The following CDC42BPA variants were observed in gnomAD, a reference collection of about 807,000 sequenced individuals.
The protein encoded by CDC42BPA is serine/threonine-protein kinase MRCK alpha.
CDC42BPA carries 80 observed loss-of-function variants against 223.5 expected under a neutral mutation model. That is an observed-to-expected ratio of 0.36 (90% CI 0.30 to 0.43). The LOEUF (loss-of-function observed/expected upper bound fraction) is 0.43. CDC42BPA is among the 20% of genes least tolerant of loss of function. CDC42BPA has a pLI of 1.00. For missense variants in CDC42BPA, 1,743 were observed against 2,099.9 expected, an observed-to-expected ratio of 0.83 and a Z score of 3.32; for synonymous variants, 694 against 718.6, an observed-to-expected ratio of 0.97 and a Z score of 0.55.
At chr1:227,002,612 C>T (rs569254459) in intron 35 of CDC42BPA, among the ~76,000 whole-genome samples, 1 of 152,306 alleles carries the variant, frequency 6.6e-6, no homozygotes, top group South Asian at 2.1e-4. Context: ...TACAGCACTC[C>T]TGAGGTTAGG....
intron 2 of CDC42BPA, among the ~76,000 whole-genome samples, chr1:227,247,775 A>G (rs1328035325): frequency 6.6e-6 from 1 of 152,000 alleles, no homozygotes; most frequent in African/African-American, 2.4e-5. Context: ...CCAGCTACTC[A>G]GGAGGCTGAA....
intron 14 of CDC42BPA, among the ~76,000 whole-genome samples, chr1:227,108,617 T>A (rs970136014): frequency 3.3e-5 from 5 of 152,156 alleles, no homozygotes; most frequent in Non-Finnish European, 7.3e-5. Flanking sequence ...TCTCTCAGTA[T>A]CCATAGGGCA....
intron 10 of CDC42BPA, among the ~76,000 whole-genome samples, chr1:227,139,099 G>C (rs1231345796): frequency 6.6e-6 from 1 of 152,130 alleles, no homozygotes; most frequent in East Asian, 1.9e-4. Flanking sequence ...GATGAAACCA[G>C]GTGGAGTAAA....
intron 10 of CDC42BPA, among the ~76,000 whole-genome samples, chr1:227,134,852 T>C (rs998765765): frequency 1.3e-5 from 2 of 152,024 alleles, no homozygotes; most frequent in South Asian, 2.1e-4. Flanking sequence ...ACCCAAAACA[T>C]AGGAAATTCT....
In CDC42BPA at chr1:226,994,559, C is replaced by T. The variant is rs1661202844; in HGVS notation, c.5134-160G>A. Among the ~76,000 whole-genome samples, 1 of 152,166 alleles carries T rather than the reference C, an allele frequency of 6.6e-6. No homozygotes were observed. Among genetic ancestry groups the T allele is most frequent in the South Asian group, 2.1e-4 (1 of 4,830 alleles). ...CCCCTTCTATGAGCTGAGGAAGAGG[C>T]ACGGAACATACAAGCTCCGTCCTTT... On this transcript the variant is annotated intron_variant, in intron 36 of 36. Coordinates refer to ENST00000366766, the MANE Select transcript of CDC42BPA (RefSeq NM_001394014.1). This position sits in a 1 kb window ranked among gnomAD's most constrained non-coding sequence, Gnocchi z 4.0.
At chr1:227,051,851 T>C in intron 22 of CDC42BPA, 30 bp downstream of exon 22, 3 of 1,250,376 alleles carry the variant, frequency 2.4e-6, no homozygotes, top group Middle Eastern at 2.2e-4. Context: ...AAGTGAAAAG[T>C]TGGGGAGCAG....
At chr1:227,112,557 A>G in intron 13 of CDC42BPA, 114 bp downstream of exon 13, 1 of 914,986 alleles carries the variant, frequency 1.1e-6, no homozygotes, top group African/African-American at 1.7e-5. Flanking sequence ...AATATTAATG[A>G]ACTATAAAAA....
rs60588018 is a variant in CDC42BPA at position 227,222,052 on chromosome 1, CAAAAAAAAAAAA to C, written c.271-8845_271-8834del. Among the ~76,000 whole-genome samples the C allele has an allele frequency of 3.3e-3, 287 of 86,520 alleles. 1 individual carries two copies. The highest frequency in any genetic ancestry group is 8.5e-3 in the Middle Eastern group (1 of 118). 56.8% of individuals were successfully genotyped at this position (86,520 alleles called of 152,430 possible). Reference sequence around the variant, plus strand: ...CAACATAGGAAGACCCTATCTCTACCAAAAAAAAAAAAAAAAAAAAAAAAAAATTAATTAGTC... The same window carrying C: ...CAACATAGGAAGACCCTATCTCTACCAAAAAAAAAAAAAAATTAATTAGTC... On this transcript the variant is annotated intron_variant, in intron 2 of 36. Transcript: ENST00000366766.
intron 2 of CDC42BPA, among the ~76,000 whole-genome samples, chr1:227,216,133 TACAC>T (rs57710895): frequency 6.9e-4 from 89 of 129,394 alleles, no homozygotes; most frequent in Non-Finnish European, 1.3e-3. Context: ...TATATATATA[TACAC>T]ACACACACAC....
intron 15 of CDC42BPA, among the ~76,000 whole-genome samples, chr1:227,096,705 G>T (rs1414392521): frequency 6.6e-6 from 1 of 152,144 alleles, no homozygotes; most frequent in Non-Finnish European, 1.5e-5. Flanking sequence ...CTGTCTTTGT[G>T]ACTCTTCCAT....
At chr1:227,272,801 A>T (rs1441958690) in intron 1 of CDC42BPA, among the ~76,000 whole-genome samples, 1 of 135,750 alleles carries the variant, frequency 7.4e-6, no homozygotes, top group Non-Finnish European at 1.6e-5. Flanking sequence ...TGAACAGAAT[A>T]ATTATTTTTT....
At chr1:227,276,232 G>A (rs978847557) in intron 1 of CDC42BPA, among the ~76,000 whole-genome samples, 26 of 151,516 alleles carry the variant, frequency 1.7e-4, no homozygotes, top group Non-Finnish European at 1.3e-4. Context: ...TGGGATGTGA[G>A]GAGCGCCTCT....
intron 1 of CDC42BPA, among the ~76,000 whole-genome samples, chr1:227,266,823 A>G (rs917787986): frequency 2.0e-5 from 3 of 152,258 alleles, no homozygotes; most frequent in Non-Finnish European, 4.4e-5. Context: ...TTCATTTTAA[A>G]TGAGGAAACA....
intron 2 of CDC42BPA, among the ~76,000 whole-genome samples, chr1:227,238,778 A>G (rs577903108): frequency 3.0e-4 from 46 of 152,356 alleles, no homozygotes; most frequent in Admixed American, 1.7e-3. Flanking sequence ...CTCAGTGTAT[A>G]AGAAAGATGA....
intron 32 of CDC42BPA, among the ~76,000 whole-genome samples, chr1:227,020,258 C>T (rs530070208): frequency 7.9e-5 from 12 of 152,286 alleles, no homozygotes; most frequent in East Asian, 1.9e-4. Context: ...CTGGCTTCAA[C>T]GTAAAGCCAC....
intron 23 of CDC42BPA, among the ~76,000 whole-genome samples, chr1:227,041,298 C>A (rs908685224): frequency 1.3e-5 from 2 of 152,090 alleles, no homozygotes; most frequent in African/African-American, 4.8e-5. Context: ...GCACCCCTCC[C>A]TCCTTCCCCT....
At chr1:227,028,208 T>G (rs1419344849) in intron 30 of CDC42BPA, among the ~76,000 whole-genome samples, 3 of 152,168 alleles carry the variant, frequency 2.0e-5, no homozygotes, top group Non-Finnish European at 4.4e-5. Flanking sequence ...TCTACCCATC[T>G]AGATAAAAGT....
At chr1:227,169,210 A>G (rs1180401251) in intron 5 of CDC42BPA, among the ~76,000 whole-genome samples, 1 of 152,176 alleles carries the variant, frequency 6.6e-6, no homozygotes, top group Non-Finnish European at 1.5e-5. Flanking sequence ...AGTTGTTAAC[A>G]GCCACTTAAA....
At chr1:227,281,100 C>G (rs1687945570) in intron 1 of CDC42BPA, among the ~76,000 whole-genome samples, 1 of 152,188 alleles carries the variant, frequency 6.6e-6, no homozygotes. Flanking sequence ...AACACCATGG[C>G]CCATGTGAAT....
Sources: allele counts gnomAD v4.1 joint callset (sites outside exome capture counted in the v4.1 genomes callset), GRCh38; gene constraint gnomAD v4.1.1; non-coding constraint Gnocchi (gnomAD v3.1); transcripts MANE v1.5; gene names NCBI Gene and HGNC (gene_info 2026-07-23, HGNC 2026-07-21).